The following DCDC1 variants were observed in gnomAD, a reference collection of about 807,000 sequenced individuals.
The protein encoded by DCDC1 is doublecortin domain containing 1.
In DCDC1, 200 loss-of-function variants were observed where a neutral mutation model predicts 178.3. That is an observed-to-expected ratio of 1.12 (90% confidence interval 1.00 to 1.26). DCDC1 has a LOEUF of 1.26. DCDC1 is among the 50% of genes most tolerant of loss of function. The probability of loss-of-function intolerance (pLI) is 0.00; values close to 1 mark genes in which losing one functional copy is unlikely to be tolerated. For missense variants in DCDC1, 1,983 were observed against 1,749.2 expected, an observed-to-expected ratio of 1.13 and a Z score of -2.38; for synonymous variants, 690 against 604.8, an observed-to-expected ratio of 1.14 and a Z score of -2.07.
intron 8 of DCDC1, among the ~76,000 whole-genome samples, chr11:31,250,688 G>A (rs1358089276): frequency 1.3e-5 from 2 of 151,558 alleles, no homozygotes; most frequent in Non-Finnish European, 2.9e-5. Flanking sequence ...AGAAGGAGGA[G>A]CATTTTGACT....
chr11:31,038,228 TAC>T lies in DCDC1; in HGVS notation c.2591+26239_2591+26240del, dbSNP rs1234585785. 1.1e-4 allele frequency among the ~76,000 whole-genome samples: 14 copies of T among 124,182 alleles called. No individual in the cohort carries two copies. The South Asian group carries it at 1.3e-3, about 12-fold the overall frequency. The allele number at this position is 124,182 out of a possible 152,430, so 81.5% of individuals were successfully genotyped here. ...ACTTAAAGTATTATATATATATATA[TAC>T]ACACACACACATAAAAACTTGAAAA... On this transcript the variant is annotated intron_variant, in intron 20 of 38. Coordinates refer to ENST00000684477, the MANE Select transcript of DCDC1 (RefSeq NM_001387274.1).
intron 20 of DCDC1, among the ~76,000 whole-genome samples, chr11:31,024,413 C>T (rs191129215): frequency 2.6e-5 from 4 of 151,796 alleles, no homozygotes; most frequent in African/African-American, 9.6e-5. Flanking sequence ...GGAACAAAGA[C>T]ATGTAAAAAT....
chr11:31,219,960 A>G (rs1295454024), intron 9 of DCDC1, among the ~76,000 whole-genome samples: 1 of 152,178 alleles, frequency 6.6e-6, no homozygotes, highest in Non-Finnish European at 1.5e-5. Context: ...CTTGACCTGA[A>G]GCAATCTGAC....
At chr11:31,254,324 G>A (rs369194932) in intron 8 of DCDC1, among the ~76,000 whole-genome samples, 1 of 152,060 alleles carries the variant, frequency 6.6e-6, no homozygotes, top group Non-Finnish European at 1.5e-5. Flanking sequence ...TGATTAAGTC[G>A]GATGACTGAG....
intron 36 of DCDC1, among the ~76,000 whole-genome samples, chr11:30,888,991 A>G (rs764726512): frequency 2.6e-5 from 4 of 152,192 alleles, no homozygotes; most frequent in Non-Finnish European, 5.9e-5. Context: ...GGCGTGAGGT[A>G]CTTGCCTATC....
At chr11:31,103,155 C>A (rs1358508235) in intron 14 of DCDC1, among the ~76,000 whole-genome samples, 1 of 152,178 alleles carries the variant, frequency 6.6e-6, no homozygotes, top group Non-Finnish European at 1.5e-5. Context: ...CAATCTGCTC[C>A]TGGACAATCA....
At chr11:31,098,674 T>C (rs529429864) in intron 15 of DCDC1, among the ~76,000 whole-genome samples, 1 of 152,344 alleles carries the variant, frequency 6.6e-6, no homozygotes, top group South Asian at 2.1e-4. Flanking sequence ...TACAATAAAA[T>C]GCCCTATAGA....
chr11:31,285,719 A>G (rs1373783315), intron 7 of DCDC1, among the ~76,000 whole-genome samples: 1 of 152,114 alleles, frequency 6.6e-6, no homozygotes, highest in African/African-American at 2.4e-5. Context: ...GCTTTTTTAT[A>G]CCTTGACATC....
At chr11:30,956,248 C>A (rs1948766073) in intron 20 of DCDC1, among the ~76,000 whole-genome samples, 1 of 152,126 alleles carries the variant, frequency 6.6e-6, no homozygotes, top group Non-Finnish European at 1.5e-5. Context: ...GTTGCCCATG[C>A]TGGTCTCAAA....
At chr11:31,036,180 T>A (rs1177238079) in intron 20 of DCDC1, among the ~76,000 whole-genome samples, 1 of 152,228 alleles carries the variant, frequency 6.6e-6, no homozygotes, top group Non-Finnish European at 1.5e-5. Context: ...TCTTGTATCT[T>A]TCCACACCTA....
At chr11:31,305,504 A>G in intron 6 of DCDC1, 111 bp downstream of exon 6, 2 of 1,381,702 alleles carry the variant, frequency 1.4e-6, no homozygotes, top group South Asian at 2.9e-5. Flanking sequence ...ATGCGTAAAC[A>G]TTAGTTTTGT....
At position 31,048,715 on chromosome 11, in the gene DCDC1, G is replaced by A. The variant is rs1300764298; in HGVS notation, c.2591+15754C>T. ...AAAAATATAAAAAAAAAATTAGCCA[G>A]ACGTGGTGGCAGGCGCCTGTAGTCC... On this transcript the variant is annotated intron_variant, in intron 20 of 38. Coordinates refer to ENST00000684477, the MANE Select transcript of DCDC1 (RefSeq NM_001387274.1). 2.6e-5 allele frequency among the ~76,000 whole-genome samples: 4 copies of A among 152,158 alleles called. 1 individual carries two copies. Among genetic ancestry groups the A allele is most frequent in the African/African-American group, 9.7e-5 (4 of 41,432 alleles).
chr11:31,209,490 T>C (rs1972249238), intron 9 of DCDC1, among the ~76,000 whole-genome samples: 2 of 152,210 alleles, frequency 1.3e-5, no homozygotes, highest in African/African-American at 2.4e-5. Context: ...TAACTAGGGA[T>C]CATTATTGCC....
At chr11:30,879,979 C>CAT (rs10688130) in intron 37 of DCDC1, among the ~76,000 whole-genome samples, 103,706 of 151,812 alleles carry the variant, frequency 0.68, 35,764 homozygotes, top group Middle Eastern at 0.8. Context: ...CTACTGCACA[C>CAT]GTTTGCTCAC....
intron 3 of DCDC1, among the ~76,000 whole-genome samples, chr11:31,310,799 C>A (rs1948728095): frequency 6.6e-6 from 1 of 151,876 alleles, no homozygotes; most frequent in Admixed American, 6.6e-5. Flanking sequence ...CTTCAGCTTT[C>A]CAGAAACAGA....
At chr11:31,001,368 T>C (rs149134031) in intron 20 of DCDC1, among the ~76,000 whole-genome samples, 1 of 152,192 alleles carries the variant, frequency 6.6e-6, no homozygotes, top group Non-Finnish European at 1.5e-5. Flanking sequence ...AAAAAAATAA[T>C]ATGTCCTTCC....
chr11:31,210,837 C>G (rs1044598339), intron 9 of DCDC1, among the ~76,000 whole-genome samples: 1 of 152,084 alleles, frequency 6.6e-6, no homozygotes, highest in African/African-American at 2.4e-5. Context: ...TATCTTCATT[C>G]AATAAATAAA....
At chr11:31,121,493 T>C (rs370052361) in intron 11 of DCDC1, among the ~76,000 whole-genome samples, 2 of 149,738 alleles carry the variant, frequency 1.3e-5, no homozygotes, top group Non-Finnish European at 1.5e-5. Context: ...TGAGGCAATA[T>C]GGAACACAGA....
intron 1 of DCDC1, among the ~76,000 whole-genome samples, chr11:31,354,007 G>T (rs1036170947): frequency 6.6e-6 from 1 of 152,190 alleles, no homozygotes; most frequent in Non-Finnish European, 1.5e-5. Flanking sequence ...TGAGTCAAAG[G>T]CCAGGCGCGG....
Sources: gnomAD v4.1 joint callset for allele counts (sites outside exome capture counted in the v4.1 genomes callset) on GRCh38, gnomAD v4.1.1 for gene constraint, MANE v1.5 for transcripts, NCBI Gene and HGNC (gene_info 2026-07-23, HGNC 2026-07-21) for gene names.